PTPRB: variants seen among roughly 807,000 people sequenced by gnomAD.
The protein encoded by PTPRB is protein tyrosine phosphatase receptor type B.
PTPRB carries 97 observed loss-of-function variants against 238.1 expected under a neutral mutation model. That is an observed-to-expected ratio of 0.41 (90% CI 0.35 to 0.48). PTPRB has a LOEUF of 0.48. Among genes scored for constraint, PTPRB ranks in the 20% least tolerant of loss-of-function variants. PTPRB has a pLI of 0.30. For synonymous variants in PTPRB, 970 were observed against 995.4 expected, an observed-to-expected ratio of 0.97 and a Z score of 0.48; for missense variants, 2,292 against 2,681.9, an observed-to-expected ratio of 0.85 and a Z score of 3.21.
chr12:70,558,094 T>C (rs1877968833), intron 18 of PTPRB, among the ~76,000 whole-genome samples: 1 of 152,182 alleles, frequency 6.6e-6, no homozygotes, highest in Admixed American at 6.5e-5. Flanking sequence ...TAAAGCTTTG[T>C]TCCATCCAGT....
intron 1 of PTPRB, among the ~76,000 whole-genome samples, chr12:70,636,286 CTT>C (rs75812781): frequency 4.2e-5 from 6 of 141,950 alleles, no homozygotes; most frequent in African/African-American, 5.1e-5. Context: ...AACTCCCCAT[CTT>C]TTTTTTTTTT....
At chr12:70,630,830 T>A (rs967303251) in intron 2 of PTPRB, among the ~76,000 whole-genome samples, 3 of 152,128 alleles carry the variant, frequency 2.0e-5, no homozygotes, top group African/African-American at 4.8e-5. Context: ...CATTCACAAT[T>A]GCTACAAAGA....
intron 10 of PTPRB, among the ~76,000 whole-genome samples, chr12:70,577,707 C>G (rs997998908): frequency 6.6e-6 from 1 of 152,154 alleles, no homozygotes; most frequent in Non-Finnish European, 1.5e-5. Context: ...TATGTTCGGA[C>G]TTTGTGAATT....
At chr12:70,526,878 G>A (rs382578) in intron 32 of PTPRB, among the ~76,000 whole-genome samples, 55,451 of 152,014 alleles carry the variant, frequency 0.36, 10,583 homozygotes, top group East Asian at 0.53. Context: ...ATGATTCACC[G>A]TGGGCTTTGA....
chr12:70,532,251 C>CT (rs1030662794), intron 31 of PTPRB, 81 bp from the exon 32 acceptor site: 185 of 1,428,866 alleles, frequency 1.3e-4, no homozygotes, highest in Admixed American at 5.7e-4. Flanking sequence ...CTGGCACAAT[C>CT]TTTTTTTTCC....
intron 10 of PTPRB, among the ~76,000 whole-genome samples, chr12:70,579,334 C>G (rs980586451): frequency 7.2e-5 from 11 of 152,226 alleles, no homozygotes; most frequent in South Asian, 2.1e-4. Context: ...CTACCTACCC[C>G]CAAGTATGCT....
chr12:70,540,478 T>C (rs1478950371), intron 23 of PTPRB: 1 of 205,156 alleles, frequency 4.9e-6, no homozygotes, highest in African/African-American at 2.3e-5. Flanking sequence ...AAAATGGTGA[T>C]GTCAACCACA....
intron 1 of PTPRB, among the ~76,000 whole-genome samples, chr12:70,636,360 T>G (rs1408707830): frequency 1.3e-5 from 2 of 151,838 alleles, no homozygotes; most frequent in African/African-American, 2.4e-5. Flanking sequence ...AAAGGAAGCT[T>G]GGAAAGAAAC....
At chr12:70,535,377 T>A (rs1282386690) in intron 29 of PTPRB, among the ~76,000 whole-genome samples, 2 of 152,056 alleles carry the variant, frequency 1.3e-5, no homozygotes, top group African/African-American at 4.8e-5. Context: ...CGTTCATATT[T>A]TTATGTCACT....
chr12:70,581,306 A>C lies in PTPRB; in HGVS notation c.2312-4T>G, dbSNP rs1565974150. On this transcript the variant is annotated splice_region_variant and splice_polypyrimidine_tract_variant and intron_variant, in intron 9 of 33. Coordinates refer to ENST00000334414, the MANE Select transcript of PTPRB (RefSeq NM_001109754.4). Reference sequence around the variant, plus strand: ...AAGTCAGTCACTTGGGCAGGCACTAAAACAGTAGACAGAAGAAAAAACAAA... The same window carrying C: ...AAGTCAGTCACTTGGGCAGGCACTACAACAGTAGACAGAAGAAAAAACAAA... 1 of 1,606,388 alleles carries C rather than the reference A, an allele frequency of 6.2e-7. No homozygotes were observed. Among genetic ancestry groups the C allele is most frequent in the Middle Eastern group, 1.7e-4 (1 of 5,906 alleles).
chr12:70,521,442 A>G lies in PTPRB; in HGVS notation c.*47T>C, dbSNP rs1399835564. On this transcript the variant is annotated 3_prime_UTR_variant, in exon 34 of 34. Transcript: ENST00000334414. Reference sequence around the variant, plus strand: ...GGCATGAAGCAAGTTTTTAAAAACAAATCACACAGTGAATAATTTTTATCC... The same window carrying G: ...GGCATGAAGCAAGTTTTTAAAAACAGATCACACAGTGAATAATTTTTATCC... 1 of 1,496,824 alleles carries G rather than the reference A, an allele frequency of 6.7e-7. No homozygotes were observed. Among genetic ancestry groups the G allele is most frequent in the East Asian group, 2.5e-5 (1 of 40,238 alleles). The allele number at this position is 1,496,824 out of a possible 1,614,324, so 92.7% of individuals were successfully genotyped here.
At chr12:70,631,152 G>A (rs940850162) in intron 2 of PTPRB, among the ~76,000 whole-genome samples, 1 of 152,134 alleles carries the variant, frequency 6.6e-6, no homozygotes, top group Non-Finnish European at 1.5e-5. Flanking sequence ...CAAAGCTGGA[G>A]GCATCACACT....
At chr12:70,617,987 C>T (rs1884755890) in intron 3 of PTPRB, among the ~76,000 whole-genome samples, 4 of 152,170 alleles carry the variant, frequency 2.6e-5, no homozygotes, top group Admixed American at 2.6e-4. Flanking sequence ...GTTTTTAACA[C>T]CCTGTGAAGA....
chr12:70,563,339 A>G (rs57735878), intron 15 of PTPRB, among the ~76,000 whole-genome samples: 9,978 of 152,164 alleles, frequency 0.066, 846 homozygotes, highest in African/African-American at 0.2. Context: ...GCTAGCAACC[A>G]CCTCCTTGCA....
chr12:70,521,325 ATC>A lies in PTPRB; in HGVS notation c.*162_*163del, dbSNP rs1309674614. 4 of 479,742 alleles carry A rather than the reference ATC, an allele frequency of 8.3e-6. No individual in the cohort carries two copies. Among genetic ancestry groups the A allele is most frequent in the African/African-American group, 2.0e-5 (1 of 50,708 alleles). The allele number at this position is 479,742 out of a possible 1,614,324, so 29.7% of individuals were successfully genotyped here. A position where few individuals can be genotyped will look rare whatever the true frequency, so the allele number is the denominator to read the frequency against. On this transcript the variant is annotated 3_prime_UTR_variant, in exon 34 of 34. Coordinates refer to ENST00000334414, the MANE Select transcript of PTPRB (RefSeq NM_001109754.4). ...ACAAAATACAACTATGTACAATAAT[ATC>A]TGTTACCTTTAAATTATATAAAATT...
chr12:70,574,536 C>G (rs1001911967), intron 11 of PTPRB, among the ~76,000 whole-genome samples: 4 of 152,194 alleles, frequency 2.6e-5, no homozygotes, highest in African/African-American at 9.7e-5. Flanking sequence ...AAAAACCTGG[C>G]TGAATATCAC....
intron 11 of PTPRB, among the ~76,000 whole-genome samples, chr12:70,573,549 C>T (rs143682307): frequency 0.017 from 2,445 of 145,126 alleles, 60 homozygotes; most frequent in African/African-American, 0.058. Context: ...CTCTCTTGCC[C>T]GGGCTGGAGT....
At chr12:70,548,062 C>T (rs947172959) in intron 21 of PTPRB, among the ~76,000 whole-genome samples, 2 of 152,130 alleles carry the variant, frequency 1.3e-5, no homozygotes, top group Non-Finnish European at 2.9e-5. Flanking sequence ...CACAGTGGCT[C>T]ATGCCTGTAA....
rs1347973803 is a variant in PTPRB at position 70,534,829 on chromosome 12, A to G, written c.6204+4T>C. The G allele has an allele frequency of 1.2e-6, 2 of 1,613,554 alleles. No homozygotes were observed. Among genetic ancestry groups the G allele is most frequent in the Non-Finnish European group, 1.7e-6 (2 of 1,179,766 alleles). On this transcript the variant is annotated splice_donor_region_variant and intron_variant, in intron 30 of 33. Transcript: ENST00000334414. ...CGGTTGTTAAGTCAAGCAAGCTAAC[A>G]TACACCGCATATCTTAAACTCCCGG...
Sources: allele counts gnomAD v4.1 joint callset (sites outside exome capture counted in the v4.1 genomes callset), GRCh38; gene constraint gnomAD v4.1.1; transcripts MANE v1.5; gene names NCBI Gene and HGNC (gene_info 2026-07-23, HGNC 2026-07-21).